The following TLK1 variants were observed in gnomAD, a reference collection of about 807,000 sequenced individuals.
TLK1 encodes the protein tousled like kinase 1, also known as serine/threonine-protein kinase tousled-like 1.
TLK1 carries 24 observed loss-of-function variants against 105.3 expected under a neutral mutation model. The ratio of observed to expected loss-of-function variants is 0.23; its 90% confidence interval spans 0.17 to 0.32. The LOEUF (loss-of-function observed/expected upper bound fraction) is 0.32, where lower values mean the gene tolerates loss of function less well. Ranked by LOEUF, TLK1 falls within the 10% of genes least tolerant of loss-of-function variation. TLK1 has a pLI of 1.00. For missense variants in TLK1, 558 were observed against 910.5 expected (o/e 0.61, Z 4.98); for synonymous variants, 321 against 310.4 (o/e 1.03, Z -0.36).
At chr2:171,006,358 G>GT in intron 17 of TLK1, 76 bp from the exon 18 acceptor site, 1 of 1,468,144 alleles carries the variant, frequency 6.8e-7, no homozygotes. Context: ...AATTTTACTA[G>GT]TATTTTACTG....
chr2:171,182,256 A>C (rs1442930127), intron 1 of TLK1, among the ~76,000 whole-genome samples: 1 of 152,220 alleles, frequency 6.6e-6, no homozygotes, highest in African/African-American at 2.4e-5. Context: ...TGAGGAAGAG[A>C]ATTTTACACG....
At chr2:171,061,237 G>A (rs573584945) in intron 3 of TLK1, 81 bp from the exon 4 acceptor site, 222 of 1,390,232 alleles carry the variant, frequency 1.6e-4, no homozygotes, top group East Asian at 9.3e-4. Flanking sequence ...ACCATGTTTC[G>A]AGACCAAAAA....
At chr2:171,139,418 C>T (rs941840803) in intron 1 of TLK1, among the ~76,000 whole-genome samples, 5 of 151,876 alleles carry the variant, frequency 3.3e-5, no homozygotes, top group Non-Finnish European at 2.9e-5. Context: ...GACGACAAGG[C>T]GAAACCCTGT....
chr2:171,143,506 C>CAAAAAAAAAAAAAA (rs577555732), intron 1 of TLK1, among the ~76,000 whole-genome samples: 4 of 44,282 alleles, frequency 9.0e-5, no homozygotes, highest in East Asian at 7.7e-4. Flanking sequence ...ACTCTATCTC[C>CAAAAAAAAAAAAAA]AAAAAAAAAA....
intron 20 of TLK1, among the ~76,000 whole-genome samples, chr2:170,996,342 T>C (rs1684061168): frequency 6.6e-6 from 1 of 152,178 alleles, no homozygotes; most frequent in African/African-American, 2.4e-5. Flanking sequence ...TATATCTCAG[T>C]ATTAACATAA....
At chr2:171,220,893 T>G (rs1429340925) in intron 1 of TLK1, among the ~76,000 whole-genome samples, 1 of 152,100 alleles carries the variant, frequency 6.6e-6, no homozygotes, top group Non-Finnish European at 1.5e-5. Context: ...ATTATATATT[T>G]TTACAATTTC....
At chr2:171,083,824 T>C (rs1056940824) in intron 2 of TLK1, among the ~76,000 whole-genome samples, 2 of 152,160 alleles carry the variant, frequency 1.3e-5, no homozygotes, top group Non-Finnish European at 1.5e-5. Flanking sequence ...CAACAAAGGA[T>C]AGCGCTTGAA....
rs868297537 is a variant in TLK1, at chr2:171,055,004, A to G, written c.639+79T>C. ...CTGCTTTATGACTACATATAAAACA[A>G]ACAGACATCTTAGTTGTTAGTAAGT... On this transcript the variant is annotated intron_variant, in intron 7 of 20. Coordinates refer to ENST00000431350, the MANE Select transcript of TLK1 (RefSeq NM_012290.5). The G allele has an allele frequency of 4.1e-5, 32 of 775,812 alleles. No individual in the cohort carries two copies. In the Middle Eastern group the frequency reaches 2.4e-3, roughly 59 times the overall value. 48.1% of individuals were successfully genotyped at this position (775,812 alleles called of 1,614,324 possible).
chr2:171,150,967 A>G (rs1033673544), intron 1 of TLK1, among the ~76,000 whole-genome samples: 5 of 152,122 alleles, frequency 3.3e-5, no homozygotes, highest in African/African-American at 1.2e-4. Context: ...AAGAGCATGT[A>G]CTCAGCCCAG....
At chr2:170,997,931 G>T in intron 18 of TLK1, 108 bp from the exon 19 acceptor site, 1 of 572,274 alleles carries the variant, frequency 1.7e-6, no homozygotes, top group East Asian at 2.8e-5. Flanking sequence ...ATAAACTCTA[G>T]GACTCCCATC....
intron 1 of TLK1, among the ~76,000 whole-genome samples, chr2:171,133,451 T>C (rs1037387988): frequency 6.6e-6 from 1 of 151,870 alleles, no homozygotes; most frequent in Non-Finnish European, 1.5e-5. Context: ...ACAAAAATAT[T>C]AGCCGGGCTT....
upstream of TLK1, among the ~76,000 whole-genome samples, chr2:171,162,395 G>A (rs1362946377): frequency 2.0e-5 from 3 of 152,094 alleles, no homozygotes; most frequent in Admixed American, 6.5e-5. Context: ...AAAATTAGCC[G>A]GGTGTAGCGG....
chr2:171,172,329 C>T (rs771099080), intron 1 of TLK1, among the ~76,000 whole-genome samples: 3 of 152,066 alleles, frequency 2.0e-5, no homozygotes, highest in Non-Finnish European at 2.9e-5. Context: ...TTACAAAGTA[C>T]GTTTACTTTG....
intron 1 of TLK1, among the ~76,000 whole-genome samples, chr2:171,205,291 G>A (rs978427475): frequency 6.6e-6 from 1 of 150,542 alleles, no homozygotes; most frequent in Non-Finnish European, 1.5e-5. Flanking sequence ...TTATAGAAAT[G>A]ATAAGGTACA....
At chr2:171,184,228 G>GGTTCTCACCTAGAGAATCCA (rs1244346431) in intron 1 of TLK1, among the ~76,000 whole-genome samples, 1 of 152,166 alleles carries the variant, frequency 6.6e-6, no homozygotes, top group African/African-American at 2.4e-5. Flanking sequence ...CCAAAAAGCA[G>GGTTCTCACCTAGAGAATCCA]AAAGCCCTGC....
chr2:171,094,274 T>A (rs1689360009), intron 2 of TLK1, among the ~76,000 whole-genome samples: 1 of 151,998 alleles, frequency 6.6e-6, no homozygotes, highest in Non-Finnish European at 1.5e-5. Flanking sequence ...TGAAGTAGAA[T>A]CATCCCGTTA....
rs1692443716 is a variant in TLK1 at position 171,160,525 on chromosome 2, G to C, written c.-97C>G. 6.4e-7 allele frequency: 1 copy of C among 1,555,852 alleles called. No homozygotes were observed. The highest frequency in any genetic ancestry group is 8.6e-7 in the Non-Finnish European group (1 of 1,158,518). ...CGTCATGGCGGGGGCCGCGCTGAGG[G>C]CGAGCGAGAGAGCGAGGGCTGGGAG... On this transcript the variant is annotated 5_prime_UTR_variant, in exon 1 of 21. Transcript: ENST00000431350. The surrounding 1 kb of genome is among the most constrained non-coding windows in gnomAD (Gnocchi z 4.4).
chr2:171,120,766 A>G (rs527267608), intron 1 of TLK1, among the ~76,000 whole-genome samples: 1 of 152,360 alleles, frequency 6.6e-6, no homozygotes, highest in Non-Finnish European at 1.5e-5. Context: ...CTGAATTACC[A>G]TATGATCCAG....
At chr2:171,067,583 G>A (rs1231002838) in intron 3 of TLK1, among the ~76,000 whole-genome samples, 1 of 152,030 alleles carries the variant, frequency 6.6e-6, no homozygotes, top group African/African-American at 2.4e-5. Flanking sequence ...GGGTAAAAAA[G>A]TGTTACTATT....
Sources: allele counts gnomAD v4.1 joint callset (sites outside exome capture counted in the v4.1 genomes callset), GRCh38; gene constraint gnomAD v4.1.1; non-coding constraint Gnocchi (gnomAD v3.1); transcripts MANE v1.5; gene names NCBI Gene and HGNC (gene_info 2026-07-23, HGNC 2026-07-21).